The following ATG4C variants were observed in gnomAD, a reference collection of about 807,000 sequenced individuals.
ATG4C encodes the protein cysteine protease ATG4C.
In ATG4C, 56 loss-of-function variants were observed where a neutral mutation model predicts 57.6. That is an observed-to-expected ratio of 0.97 (90% CI 0.78 to 1.21). ATG4C has a LOEUF of 1.21. Ranked by LOEUF, ATG4C falls within the 50% of genes most tolerant of loss-of-function variation. The pLI, the probability that ATG4C is intolerant of heterozygous loss-of-function variation, is 0.00. For synonymous variants in ATG4C, 157 were observed against 174.1 expected, an observed-to-expected ratio of 0.90 and a Z score of 0.78; for missense variants, 595 against 529.8, an observed-to-expected ratio of 1.12 and a Z score of -1.21.
At chr1:62,797,271 G>GAT (rs1664501535) in intron 1 of ATG4C, among the ~76,000 whole-genome samples, 1 of 150,640 alleles carries the variant, frequency 6.6e-6, no homozygotes, top group Non-Finnish European at 1.5e-5. Context: ...CAATGCCCTC[G>GAT]ATATCTTTTT....
At chr1:62,786,997 T>C (rs1358585083) in intron 1 of ATG4C, among the ~76,000 whole-genome samples, 2 of 151,998 alleles carry the variant, frequency 1.3e-5, no homozygotes, top group Non-Finnish European at 2.9e-5. Context: ...GGATTAGATA[T>C]GGAAGGTGAG....
intron 10 of ATG4C, 114 bp downstream of exon 10, chr1:62,841,661 T>G: frequency 1.1e-6 from 1 of 876,980 alleles, no homozygotes; most frequent in African/African-American, 1.7e-5. Flanking sequence ...TCTTGAATGT[T>G]AATATTATTA....
At chr1:62,808,777 C>T (rs948910611) in intron 3 of ATG4C, among the ~76,000 whole-genome samples, 5 of 151,994 alleles carry the variant, frequency 3.3e-5, no homozygotes, top group African/African-American at 7.2e-5. Flanking sequence ...TAGAGTGGTA[C>T]GAATAGAAAG....
At chr1:62,850,050 A>G (rs1666455248) in intron 10 of ATG4C, among the ~76,000 whole-genome samples, 1 of 152,136 alleles carries the variant, frequency 6.6e-6, no homozygotes, top group Admixed American at 6.5e-5. Flanking sequence ...TTAAAGTTTT[A>G]TCTTCTGTTC....
At chr1:62,793,485 T>G (rs1313977887) in intron 1 of ATG4C, among the ~76,000 whole-genome samples, 8 of 149,402 alleles carry the variant, frequency 5.4e-5, no homozygotes. Context: ...TGGTTGTGCC[T>G]GCCTGTAGTC....
At chr1:62,797,107 G>A (rs754424065) in intron 1 of ATG4C, among the ~76,000 whole-genome samples, 3 of 151,598 alleles carry the variant, frequency 2.0e-5, no homozygotes, top group Non-Finnish European at 2.9e-5. Flanking sequence ...ACTCTGTCTC[G>A]GGGAAAAAGA....
At chr1:62,855,846 A>C (rs568399754) in intron 10 of ATG4C, among the ~76,000 whole-genome samples, 9 of 152,334 alleles carry the variant, frequency 5.9e-5, no homozygotes, top group Admixed American at 1.3e-4. Context: ...GCTCATAAGC[A>C]CTATGCTGTA....
Position 62,804,070 on chromosome 1 carries a change from C to T in ATG4C, c.76+208C>T, listed in dbSNP as rs555801697. Among the ~76,000 whole-genome samples, 4 of 150,542 alleles carry T rather than the reference C, an allele frequency of 2.7e-5. No individual in the cohort carries two copies. The Admixed American group carries it at 2.7e-4, about 10-fold the overall frequency. On this transcript the variant is annotated intron_variant, in intron 2 of 10. Coordinates refer to ENST00000317868, the MANE Select transcript of ATG4C (RefSeq NM_032852.4). The stretch of plus-strand genomic sequence containing the variant: ...AACATTGCCTAGAAACTCAAGCATA[C>T]GATGTGGTCTCCTTTTTTCTTTTTT...
chr1:62,784,968 A>G (rs1291125081), intron 1 of ATG4C, among the ~76,000 whole-genome samples: 2 of 152,122 alleles, frequency 1.3e-5, no homozygotes, highest in Non-Finnish European at 2.9e-5. Flanking sequence ...ATTTCTTGTG[A>G]TTTCTTTGGC....
chr1:62,841,166 A>G (rs1034937824), intron 9 of ATG4C, among the ~76,000 whole-genome samples: 1 of 152,164 alleles, frequency 6.6e-6, no homozygotes, highest in Middle Eastern at 3.2e-3. Flanking sequence ...ACCACTTTTG[A>G]CACACTTCCT....
chr1:62,806,865 A>C (rs1404503195), intron 3 of ATG4C, among the ~76,000 whole-genome samples: 1 of 152,230 alleles, frequency 6.6e-6, no homozygotes, highest in Non-Finnish European at 1.5e-5. Context: ...CTAGAAGCAC[A>C]TAGGACCATG....
At chr1:62,857,807 T>C (rs1344379404) in intron 10 of ATG4C, among the ~76,000 whole-genome samples, 1 of 152,222 alleles carries the variant, frequency 6.6e-6, no homozygotes, top group African/African-American at 2.4e-5. Flanking sequence ...CCCTCTTTCT[T>C]TTTTGCTAAA....
intron 3 of ATG4C, among the ~76,000 whole-genome samples, chr1:62,815,845 T>C (rs1287904273): frequency 2.0e-5 from 3 of 152,094 alleles, no homozygotes; most frequent in Admixed American, 2.0e-4. Flanking sequence ...CCACCATGCC[T>C]GGTTAATTTT....
At chr1:62,859,081 T>C (rs1666771083) in intron 10 of ATG4C, among the ~76,000 whole-genome samples, 1 of 152,180 alleles carries the variant, frequency 6.6e-6, no homozygotes, top group Admixed American at 6.5e-5. Context: ...GCTGTGTGGA[T>C]GGGTTGAGTA....
chr1:62,793,610 AAAAAAAAAAACC>A (rs1664361386), intron 1 of ATG4C, among the ~76,000 whole-genome samples: 1 of 147,498 alleles, frequency 6.8e-6, no homozygotes, highest in African/African-American at 2.5e-5. Context: ...AAAAAAAAAA[AAAAAAAAAAACC>A]AAAAAAACAA....
chr1:62,786,563 T>C (rs781329567), intron 1 of ATG4C, among the ~76,000 whole-genome samples: 1 of 151,728 alleles, frequency 6.6e-6, no homozygotes, highest in African/African-American at 2.4e-5. Flanking sequence ...ATCTGTGATA[T>C]AGAATAATTG....
At chr1:62,850,883 TATATATATATATATATATACATACAC>T (rs1489653288) in intron 10 of ATG4C, among the ~76,000 whole-genome samples, 1 of 78,432 alleles carries the variant, frequency 1.3e-5, no homozygotes. Context: ...TATATATATA[TATATATATATATATATATACATACAC>T]ATACACACAC....
chr1:62,851,614 CA>C (rs1666521859), intron 10 of ATG4C, among the ~76,000 whole-genome samples: 1 of 152,006 alleles, frequency 6.6e-6, no homozygotes, highest in East Asian at 1.9e-4. Context: ...ACCAAACTTA[CA>C]ATAAAGACTT....
At chr1:62,824,653 C>G (rs892195668) in intron 6 of ATG4C, among the ~76,000 whole-genome samples, 3 of 148,556 alleles carry the variant, frequency 2.0e-5, no homozygotes, top group Admixed American at 6.9e-5. Context: ...CTGCTCTTTT[C>G]TCTTTCTCTC....
Sources: allele counts gnomAD v4.1 joint callset (sites outside exome capture counted in the v4.1 genomes callset), GRCh38; gene constraint gnomAD v4.1.1; transcripts MANE v1.5; gene names NCBI Gene and HGNC (gene_info 2026-07-23, HGNC 2026-07-21).